The following PRKCE variants were observed in gnomAD, a reference collection of about 807,000 sequenced individuals.
PRKCE encodes protein kinase C epsilon type.
PRKCE carries 16 observed loss-of-function variants against 85.4 expected under a neutral mutation model. That is an observed-to-expected ratio of 0.19 (90% CI 0.13 to 0.28). The LOEUF (loss-of-function observed/expected upper bound fraction) is 0.28, where lower values mean the gene tolerates loss of function less well. PRKCE is among the 10% of genes least tolerant of loss of function. PRKCE has a pLI of 1.00. For synonymous variants in PRKCE, 388 were observed against 371.5 expected, an observed-to-expected ratio of 1.04 and a Z score of -0.51; for missense variants, 573 against 975.2, an observed-to-expected ratio of 0.59 and a Z score of 5.49.
chr2:46,098,931 G>A (rs1397686118), intron 11 of PRKCE, among the ~76,000 whole-genome samples: 5 of 152,148 alleles, frequency 3.3e-5, no homozygotes, highest in African/African-American at 9.7e-5. Flanking sequence ...TGGAGGTGGG[G>A]TGAGGAGGAG....
In PRKCE at chr2:46,185,393, GC is replaced by G. The variant is rs1680380228; in HGVS notation, c.*515del. On this transcript the variant is annotated 3_prime_UTR_variant, in exon 15 of 15. Coordinates refer to ENST00000306156, the MANE Select transcript of PRKCE (RefSeq NM_005400.3). The surrounding 1 kb of genome is among the most constrained non-coding windows in gnomAD (Gnocchi z 4.7). ...ACGAGGGAGGGCGCCCTTGAGGCAT[GC>G]CCTCTGAGGGAGGGAGACCAGAGAT... 1.3e-5 allele frequency: 2 copies of G among 153,276 alleles called. No individual in the cohort carries two copies. The allele number at this position is 153,276 out of a possible 1,614,324, so 9.5% of individuals were successfully genotyped here.
At chr2:45,782,336 C>G (rs534129000) in intron 1 of PRKCE, among the ~76,000 whole-genome samples, 3 of 152,056 alleles carry the variant, frequency 2.0e-5, no homozygotes, top group Non-Finnish European at 4.4e-5. Context: ...CAACACAAAC[C>G]CCAGACAGAC....
intron 1 of PRKCE, among the ~76,000 whole-genome samples, chr2:45,695,370 C>G (rs1678060765): frequency 6.6e-6 from 1 of 152,160 alleles, no homozygotes; most frequent in Non-Finnish European, 1.5e-5. Flanking sequence ...GTCTTTCTTT[C>G]CTTTTCTGCA....
chr2:45,734,224 G>A (rs1681843957), intron 1 of PRKCE, among the ~76,000 whole-genome samples: 1 of 152,134 alleles, frequency 6.6e-6, no homozygotes, highest in African/African-American at 2.4e-5. Flanking sequence ...AATTAGCTGG[G>A]CGTTGTGGCG....
intron 2 of PRKCE, among the ~76,000 whole-genome samples, chr2:45,886,980 G>A (rs1375346): frequency 0.19 from 28,400 of 152,186 alleles, 3,410 homozygotes; most frequent in East Asian, 0.41. Context: ...CTAGCCTCAC[G>A]TGGCAGAACG....
intron 2 of PRKCE, among the ~76,000 whole-genome samples, chr2:45,947,773 T>TACAA (rs1700340930): frequency 6.6e-6 from 1 of 152,232 alleles, no homozygotes; most frequent in Non-Finnish European, 1.5e-5. Context: ...TGGTTGTTAC[T>TACAA]ACAAACAGCA....
At chr2:45,716,372 C>T (rs1680085125) in intron 1 of PRKCE, among the ~76,000 whole-genome samples, 1 of 151,998 alleles carries the variant, frequency 6.6e-6, no homozygotes, top group Admixed American at 6.6e-5. Context: ...CAAAAATTAG[C>T]CAGGCGTGGT....
intron 1 of PRKCE, among the ~76,000 whole-genome samples, chr2:45,837,787 A>C (rs991317011): frequency 1.3e-5 from 2 of 152,114 alleles, no homozygotes; most frequent in African/African-American, 4.8e-5. Flanking sequence ...GGTGGGAGGA[A>C]GGTTTGGGCC....
chr2:45,899,358 C>T (rs1009795219), intron 2 of PRKCE, among the ~76,000 whole-genome samples: 1 of 151,842 alleles, frequency 6.6e-6, no homozygotes, highest in Non-Finnish European at 1.5e-5. Context: ...CTCCTTCCTT[C>T]CAAGTCTTTT....
At chr2:45,761,056 G>GCA (rs1684433081) in intron 1 of PRKCE, among the ~76,000 whole-genome samples, 1 of 152,060 alleles carries the variant, frequency 6.6e-6, no homozygotes, top group African/African-American at 2.4e-5. Flanking sequence ...GGCCGGGCAT[G>GCA]GTGGCTCACG....
intron 1 of PRKCE, among the ~76,000 whole-genome samples, chr2:45,702,970 C>T (rs527938858): frequency 2.1e-4 from 32 of 152,144 alleles, no homozygotes; most frequent in Non-Finnish European, 3.4e-4. Flanking sequence ...CTAACAGCCT[C>T]GGCAGATAAC....
At chr2:46,135,707 C>A (rs1674904327) in intron 11 of PRKCE, among the ~76,000 whole-genome samples, 1 of 114,590 alleles carries the variant, frequency 8.7e-6, no homozygotes, top group Non-Finnish European at 1.7e-5. Context: ...CAATGGAGAA[C>A]TTGAAAAAAA....
At chr2:45,673,279 A>G (rs1340045867) in intron 1 of PRKCE, among the ~76,000 whole-genome samples, 1 of 152,284 alleles carries the variant, frequency 6.6e-6, no homozygotes, top group African/African-American at 2.4e-5. Context: ...ATAAGAAGTG[A>G]ATAGGTCATT....
At chr2:46,182,753 A>G (rs1680124085) in intron 14 of PRKCE, among the ~76,000 whole-genome samples, 1 of 152,182 alleles carries the variant, frequency 6.6e-6, no homozygotes, top group Non-Finnish European at 1.5e-5. Context: ...CACCCGGCCC[A>G]CGTTACCCAC....
chr2:46,020,113 A>G (rs1236147523), intron 10 of PRKCE, among the ~76,000 whole-genome samples: 1 of 151,980 alleles, frequency 6.6e-6, no homozygotes, highest in African/African-American at 2.4e-5. Context: ...GCCTTCCACA[A>G]TGCTAGGATT....
At chr2:45,821,819 T>G (rs1161976858) in intron 1 of PRKCE, among the ~76,000 whole-genome samples, 1 of 152,128 alleles carries the variant, frequency 6.6e-6, no homozygotes, top group East Asian at 1.9e-4. Flanking sequence ...GGCAGCTGTA[T>G]TGTAGATCAG....
chr2:45,845,229 G>T (rs1458420922), intron 2 of PRKCE, among the ~76,000 whole-genome samples: 2 of 151,982 alleles, frequency 1.3e-5, no homozygotes, highest in African/African-American at 4.8e-5. Flanking sequence ...CTAGCCTGGA[G>T]GGGGTTTTGG....
At chr2:45,863,152 G>C (rs1411820882) in intron 2 of PRKCE, among the ~76,000 whole-genome samples, 1 of 152,072 alleles carries the variant, frequency 6.6e-6, no homozygotes, top group African/African-American at 2.4e-5. Flanking sequence ...GCAGAATTAG[G>C]CTACTCATTT....
intron 1 of PRKCE, among the ~76,000 whole-genome samples, chr2:45,728,924 G>A (rs1012743643): frequency 8.5e-5 from 13 of 152,174 alleles, no homozygotes; most frequent in African/African-American, 2.9e-4. Flanking sequence ...GTATACGGTG[G>A]CACTGGGGCA....
Sources: allele counts gnomAD v4.1 joint callset (sites outside exome capture counted in the v4.1 genomes callset), GRCh38; gene constraint gnomAD v4.1.1; non-coding constraint Gnocchi (gnomAD v3.1); transcripts MANE v1.5; gene names NCBI Gene and HGNC (gene_info 2026-07-23, HGNC 2026-07-21).